Variants in SLC14A2 observed in about 807,000 individuals in gnomAD.
The protein encoded by SLC14A2 is urea transporter 2.
Under a neutral mutation model 104.6 loss-of-function variants are expected in SLC14A2, and 91 were observed. The ratio of observed to expected loss-of-function variants is 0.87; its 90% CI spans 0.73 to 1.04. SLC14A2 has a LOEUF of 1.04. SLC14A2 is among the 50% of genes least tolerant of loss of function. The pLI is 0.00. For missense variants in SLC14A2, 1,189 were observed against 1,156.0 expected (o/e 1.03, Z -0.41); for synonymous variants, 476 against 466.4 (o/e 1.02, Z -0.27).
intron 2 of SLC14A2, among the ~76,000 whole-genome samples, chr18:45,505,185 A>T (rs548901734): frequency 1.3e-5 from 2 of 152,274 alleles, no homozygotes; most frequent in Non-Finnish European, 2.9e-5. Context: ...GGCTAGGGAG[A>T]GGCTGTTTGG....
chr18:45,325,392 T>A (rs1396930711), intron 1 of SLC14A2, among the ~76,000 whole-genome samples: 1 of 152,214 alleles, frequency 6.6e-6, no homozygotes, highest in African/African-American at 2.4e-5. Flanking sequence ...TGTCTTCTTG[T>A]GACTTACATA....
At chr18:45,378,155 T>C (rs929712459) in intron 1 of SLC14A2, among the ~76,000 whole-genome samples, 1 of 152,228 alleles carries the variant, frequency 6.6e-6, no homozygotes, top group African/African-American at 2.4e-5. Flanking sequence ...GGCTCCAAAC[T>C]ACAGTAAGCT....
In SLC14A2 at chr18:45,494,327, C is replaced by T. The variant is rs189135609; in HGVS notation, c.-35+11005C>T. On this transcript the variant is annotated intron_variant, in intron 2 of 20. Transcript: ENST00000586448. Reference sequence around the variant, plus strand: ...ATGTCCATAGTCACTCATCATCAACCCTGACAAGAAACAAGAAGTGCCGCT... The same window carrying T: ...ATGTCCATAGTCACTCATCATCAACTCTGACAAGAAACAAGAAGTGCCGCT... Among the ~76,000 whole-genome samples the T allele has an allele frequency of 1.2e-3, 177 of 152,320 alleles. 1 individual carries two copies. The highest frequency in any genetic ancestry group is 3.9e-3 in the African/African-American group (164 of 41,564).
intron 1 of SLC14A2, among the ~76,000 whole-genome samples, chr18:45,475,002 C>G (rs1482702223): frequency 6.6e-6 from 1 of 152,170 alleles, no homozygotes; most frequent in Non-Finnish European, 1.5e-5. Flanking sequence ...CCCACTTTCT[C>G]CTGTGGGCAT....
chr18:45,641,421 C>T, intron 8 of SLC14A2, 78 bp downstream of exon 8: 1 of 1,509,286 alleles, frequency 6.6e-7, no homozygotes, highest in South Asian at 1.2e-5. Flanking sequence ...CCCATGGGGA[C>T]CACTAATCAA....
At chr18:45,617,518 TGAGCCACCCCTAATAAAAGCC>T (rs893444664) in intron 1 of SLC14A2, among the ~76,000 whole-genome samples, 5 of 152,032 alleles carry the variant, frequency 3.3e-5, no homozygotes, top group African/African-American at 1.2e-4. Flanking sequence ...AAGAAAACTC[TGAGCCACCCCTAATAAAAGCC>T]GGCACTCAGC....
chr18:45,250,751 C>CTGACTTTTTTTTTTTT (rs1165070845), intron 1 of SLC14A2, among the ~76,000 whole-genome samples: 1,820 of 113,384 alleles, frequency 0.016, 86 homozygotes, highest in Non-Finnish European at 0.019. Context: ...CTAGTGGCTT[C>CTGACTTTTTTTTTTTT]TTCCTTTTTT....
chr18:45,442,047 T>C (rs1383379161), intron 1 of SLC14A2, among the ~76,000 whole-genome samples: 2 of 152,116 alleles, frequency 1.3e-5, no homozygotes, highest in African/African-American at 2.4e-5. Flanking sequence ...TCTGGCTTGT[T>C]GTGGAGGAAA....
In SLC14A2 at chr18:45,588,030, C is replaced by T. The variant is rs1050291852; in HGVS notation, c.-34-36601C>T. The stretch of plus-strand genomic sequence containing the variant: ...GCAGCAGGGAGATGATTGAAAATGC[C>T]GGATTGACCCTTTTTTTAATCCTTG... On this transcript the variant is annotated intron_variant, in intron 2 of 20. Coordinates refer to the SLC14A2 transcript ENST00000586448. Among the ~76,000 whole-genome samples, 12 of 152,048 alleles carry T rather than the reference C, an allele frequency of 7.9e-5. No individual in the cohort carries two copies. In the South Asian group the frequency reaches 1.2e-3, roughly 16 times the overall value.
chr18:45,467,026 G>A (rs77697179), intron 1 of SLC14A2, among the ~76,000 whole-genome samples: 1,936 of 152,134 alleles, frequency 0.013, 41 homozygotes, highest in African/African-American at 0.044. Flanking sequence ...TGACTTTTGG[G>A]GTATCTAAGC....
intron 2 of SLC14A2, among the ~76,000 whole-genome samples, chr18:45,548,926 G>A (rs555753308): frequency 6.8e-4 from 104 of 152,276 alleles, no homozygotes; most frequent in African/African-American, 2.4e-3. Context: ...TGGCATGTTG[G>A]AGCATCTGCA....
intron 12 of SLC14A2, among the ~76,000 whole-genome samples, 194 bp from the exon 13 acceptor site, chr18:45,666,741 G>A (rs1433184000): frequency 1.3e-5 from 2 of 152,242 alleles, no homozygotes; most frequent in East Asian, 1.9e-4. Context: ...TGTGCCTCAC[G>A]GTAGTTAACC....
At chr18:45,403,472 G>A (rs1041566074) in intron 1 of SLC14A2, among the ~76,000 whole-genome samples, 5 of 152,158 alleles carry the variant, frequency 3.3e-5, no homozygotes, top group African/African-American at 1.2e-4. Flanking sequence ...CTCCATCGCT[G>A]TGGGCCATGG....
chr18:45,379,988 C>A (rs1316309196), intron 1 of SLC14A2, among the ~76,000 whole-genome samples: 1 of 152,188 alleles, frequency 6.6e-6, no homozygotes, highest in Admixed American at 6.5e-5. Flanking sequence ...TAATGTAAGG[C>A]TCCACTGGAA....
chr18:45,359,800 C>T (rs542277632), intron 1 of SLC14A2, among the ~76,000 whole-genome samples: 8 of 152,278 alleles, frequency 5.3e-5, no homozygotes, highest in African/African-American at 7.2e-5. Context: ...TGGCATGGCA[C>T]GGGTCTGCTG....
chr18:45,437,911 C>T (rs1315561142), intron 1 of SLC14A2, among the ~76,000 whole-genome samples: 2 of 152,146 alleles, frequency 1.3e-5, no homozygotes, highest in African/African-American at 4.8e-5. Context: ...GTATGCGATA[C>T]CCTGCTGTCT....
chr18:45,230,466 C>G (rs1178965254), intron 1 of SLC14A2, among the ~76,000 whole-genome samples: 1 of 152,168 alleles, frequency 6.6e-6, no homozygotes, highest in Non-Finnish European at 1.5e-5. Flanking sequence ...GTCTATTCTT[C>G]CATTGTCATA....
chr18:45,202,243 C>T, the SLC14A2 span, among the ~76,000 whole-genome samples: 1 of 152,088 alleles, frequency 6.6e-6, no homozygotes, highest in South Asian at 2.1e-4. Context: ...TAGCAAAAGC[C>T]CAAAGGACAG....
intron 1 of SLC14A2, among the ~76,000 whole-genome samples, chr18:45,620,611 C>T (rs1413337827): frequency 6.6e-6 from 1 of 151,978 alleles, no homozygotes; most frequent in East Asian, 1.9e-4. Context: ...AAGGTAATGG[C>T]CCCTGTTCTT....
Sources: allele counts gnomAD v4.1 joint callset (sites outside exome capture counted in the v4.1 genomes callset), GRCh38; gene constraint gnomAD v4.1.1; transcripts MANE v1.5; gene names NCBI Gene and HGNC (gene_info 2026-07-23, HGNC 2026-07-21).